HIVEP3: variants seen among roughly 807,000 people sequenced by gnomAD.
HIVEP3 encodes the protein HIVEP zinc finger 3, also known as transcription factor HIVEP3.
HIVEP3 carries 49 observed loss-of-function variants against 152.8 expected under a neutral mutation model. The ratio of observed to expected loss-of-function variants is 0.32; its 90% CI spans 0.26 to 0.41. The LOEUF is 0.41. HIVEP3 is among the 10% of genes least tolerant of loss of function. The pLI is 1.00. For missense variants in HIVEP3, 2,790 were observed against 3,103.3 expected, an observed-to-expected ratio of 0.90 and a Z score of 2.40; for synonymous variants, 1,269 against 1,289.0, an observed-to-expected ratio of 0.98 and a Z score of 0.33.
chr1:41,531,858 A>AGATGGAAGACGGGG (rs1484567408), intron 5 of HIVEP3, among the ~76,000 whole-genome samples: 1 of 110,124 alleles, frequency 9.1e-6, no homozygotes, highest in African/African-American at 3.7e-5. Flanking sequence ...GGAAGACGGG[A>AGATGGAAGACGGGG]GATGGAGGAC....
intron 5 of HIVEP3, among the ~76,000 whole-genome samples, chr1:41,557,624 T>A (rs1023987876): frequency 6.8e-6 from 1 of 147,150 alleles, no homozygotes; most frequent in African/African-American, 2.5e-5. Flanking sequence ...GGTTGAGGAG[T>A]GATGGGCAGG....
At chr1:41,653,799 G>C (rs1451325248) in intron 2 of HIVEP3, among the ~76,000 whole-genome samples, 1 of 151,982 alleles carries the variant, frequency 6.6e-6, no homozygotes, top group African/African-American at 2.4e-5. Flanking sequence ...TTGCTCAGTG[G>C]CTTTCAGCCC....
At chr1:41,896,668 G>A (rs906513530) in intron 1 of HIVEP3, among the ~76,000 whole-genome samples, 7 of 151,082 alleles carry the variant, frequency 4.6e-5, no homozygotes, top group African/African-American at 7.3e-5. Flanking sequence ...TCTGCCTCCC[G>A]GGTTCAAGCG....
intron 1 of HIVEP3, among the ~76,000 whole-genome samples, chr1:41,858,758 G>C (rs1643839468): frequency 6.6e-6 from 1 of 152,238 alleles, no homozygotes; most frequent in East Asian, 1.9e-4. Context: ...GATGTTAAGT[G>C]ATGGAGAATG....
At chr1:41,644,693 CTTTT>C (rs60511656) in intron 2 of HIVEP3, among the ~76,000 whole-genome samples, 1 of 74,738 alleles carries the variant, frequency 1.3e-5, no homozygotes, top group Non-Finnish European at 2.4e-5. Context: ...CATATCTGTT[CTTTT>C]TTTTTTTTTT....
At chr1:41,636,835 T>A (rs1645281052) in intron 2 of HIVEP3, among the ~76,000 whole-genome samples, 1 of 152,082 alleles carries the variant, frequency 6.6e-6, no homozygotes, top group South Asian at 2.1e-4. Context: ...GGCACATGCC[T>A]GTAATCCCAG....
chr1:41,957,011 T>C lies in HIVEP3; in HGVS notation n.120-38487A>G, dbSNP rs568758636. Among the ~76,000 whole-genome samples the C allele has an allele frequency of 4.6e-5, 7 of 152,344 alleles. No individual in the cohort carries two copies. In the East Asian group the frequency reaches 9.6e-4, roughly 21 times the overall value. ...AAACTATATGTTTATTTTGTAAATA[T>C]ATGTATGCATATATTTGGAAGTGAA... On this transcript the variant is annotated intron_variant and non_coding_transcript_variant, in intron 1 of 3. Coordinates refer to the HIVEP3 transcript ENST00000489103.
intron 1 of HIVEP3, among the ~76,000 whole-genome samples, chr1:41,806,146 C>T (rs556682073): frequency 2.0e-5 from 3 of 152,186 alleles, no homozygotes; most frequent in Non-Finnish European, 4.4e-5. Flanking sequence ...GTTCCAGGGA[C>T]TCCCCTCTGC....
rs113234129 is a variant in HIVEP3, at chr1:41,652,588, G to A, written c.-720-23641C>T. Among the ~76,000 whole-genome samples, 6 of 152,196 alleles carry A rather than the reference G, an allele frequency of 3.9e-5. No homozygotes were observed. The East Asian group carries it at 7.7e-4, about 20-fold the overall frequency. ...CTACAGGACTCACCCTACGAGCAACGTGGAGGGGTGAAAAGCTGGGACAAG... is the reference window on the plus strand; with the variant it reads ...CTACAGGACTCACCCTACGAGCAACATGGAGGGGTGAAAAGCTGGGACAAG... On this transcript the variant is annotated intron_variant, in intron 2 of 8. Coordinates refer to ENST00000372583, the MANE Select transcript of HIVEP3 (RefSeq NM_024503.5).
At chr1:42,005,979 G>A (rs181238870) in intron 1 of HIVEP3, among the ~76,000 whole-genome samples, 2 of 152,136 alleles carry the variant, frequency 1.3e-5, no homozygotes, top group African/African-American at 4.8e-5. Flanking sequence ...TGATTTTCCT[G>A]GGAATTTCCA....
chr1:41,740,673 C>T (rs142910776), intron 1 of HIVEP3, among the ~76,000 whole-genome samples: 2,223 of 152,364 alleles, frequency 0.015, 25 homozygotes, highest in Non-Finnish European at 0.018. Flanking sequence ...TCCTCCTTCA[C>T]TCATCCTGAC....
At chr1:41,529,025 T>C in intron 5 of HIVEP3, among the ~76,000 whole-genome samples, 1 of 88,674 alleles carries the variant, frequency 1.1e-5, no homozygotes, top group Non-Finnish European at 2.2e-5. Context: ...ACCACTGACC[T>C]CACACTCTCC....
intron 1 of HIVEP3, among the ~76,000 whole-genome samples, chr1:41,888,097 G>C (rs1331824192): frequency 6.8e-6 from 1 of 148,010 alleles, no homozygotes; most frequent in Non-Finnish European, 1.5e-5. Context: ...GTGCAGTGGC[G>C]TGATCTCAGC....
In HIVEP3 at chr1:41,544,985, C is replaced by CTCT. The variant is rs1386526712; in HGVS notation, c.5208-20076_5208-20075insAGA. On this transcript the variant is annotated intron_variant, in intron 5 of 8. Coordinates refer to ENST00000372583, the MANE Select transcript of HIVEP3 (RefSeq NM_024503.5). ...TCACCACCACCACCACTATCACCGC[C>CTCT]ACCACCATCGCTACCATCACCACCA... 1.9e-3 allele frequency among the ~76,000 whole-genome samples: 34 copies of CTCT among 17,958 alleles called. 1 individual carries two copies. Among genetic ancestry groups the CTCT allele is most frequent in the Non-Finnish European group, 5.3e-3 (17 of 3,200 alleles). The allele number at this position is 17,958 out of a possible 152,430, so 11.8% of individuals were successfully genotyped here. A position where few individuals can be genotyped will look rare whatever the true frequency, so the allele number is the denominator to read the frequency against.
chr1:41,924,928 A>G (rs1644960398), intron 1 of HIVEP3, among the ~76,000 whole-genome samples: 1 of 152,162 alleles, frequency 6.6e-6, no homozygotes, highest in Non-Finnish European at 1.5e-5. Context: ...AATGCCTCCA[A>G]TCATTATTGT....
intron 1 of HIVEP3, among the ~76,000 whole-genome samples, chr1:41,830,555 C>T (rs1379330214): frequency 6.6e-6 from 1 of 151,878 alleles, no homozygotes; most frequent in African/African-American, 2.4e-5. Flanking sequence ...AGCTGTGTTA[C>T]CAAGGCCATA....
intron 1 of HIVEP3, among the ~76,000 whole-genome samples, chr1:41,988,015 G>T (rs1488057998): frequency 6.6e-6 from 1 of 152,174 alleles, no homozygotes; most frequent in Non-Finnish European, 1.5e-5. Flanking sequence ...TATAGGTCGA[G>T]ATGAGATTTG....
chr1:41,860,320 C>A (rs943237982), intron 1 of HIVEP3, among the ~76,000 whole-genome samples: 14 of 152,186 alleles, frequency 9.2e-5, no homozygotes, highest in African/African-American at 3.4e-4. Context: ...CCTACCACAA[C>A]AAACATGTTC....
At chr1:41,912,317 A>G (rs1327810039) in intron 1 of HIVEP3, among the ~76,000 whole-genome samples, 3 of 152,210 alleles carry the variant, frequency 2.0e-5, no homozygotes, top group African/African-American at 4.8e-5. Flanking sequence ...CTTTCTACAC[A>G]GTTTGTAAGC....
Sources: gnomAD v4.1 joint callset for allele counts (sites outside exome capture counted in the v4.1 genomes callset) on GRCh38, gnomAD v4.1.1 for gene constraint, MANE v1.5 for transcripts, NCBI Gene and HGNC (gene_info 2026-07-23, HGNC 2026-07-21) for gene names.